Variants in SEMA3D observed in about 807,000 individuals in gnomAD.
SEMA3D encodes the protein semaphorin-3D.
In SEMA3D, 84 loss-of-function variants were observed where a neutral mutation model predicts 100.1. The ratio of observed to expected loss-of-function variants is 0.84; its 90% CI spans 0.70 to 1.01. The LOEUF (loss-of-function observed/expected upper bound fraction) is 1.01, where lower values mean the gene tolerates loss of function less well. SEMA3D is among the 50% of genes least tolerant of loss of function. SEMA3D has a pLI of 0.00. For synonymous variants in SEMA3D, 312 were observed against 320.7 expected (o/e 0.97, Z 0.29); for missense variants, 875 against 934.1 (o/e 0.94, Z 0.82).
intron 5 of SEMA3D, among the ~76,000 whole-genome samples, chr7:85,078,948 CT>C (rs1368829744): frequency 6.6e-6 from 1 of 152,104 alleles, no homozygotes; most frequent in Non-Finnish European, 1.5e-5. Flanking sequence ...CTATGTAATG[CT>C]GTTAAAAATG....
At chr7:85,003,435 T>C (rs548348931) in intron 18 of SEMA3D, among the ~76,000 whole-genome samples, 1 of 151,988 alleles carries the variant, frequency 6.6e-6, no homozygotes, top group East Asian at 1.9e-4. Context: ...TGTAAAAAAA[T>C]CATAAAATAA....
At chr7:85,116,922 G>A (rs1265739343) in intron 3 of SEMA3D, among the ~76,000 whole-genome samples, 1 of 152,040 alleles carries the variant, frequency 6.6e-6, no homozygotes, top group Admixed American at 6.6e-5. Context: ...GTTAGTTGTG[G>A]CTGTTTGTGT....
In SEMA3D at chr7:85,151,772, A is replaced by G. The variant is rs542313775; in HGVS notation, c.-41+1836T>C. On this transcript the variant is annotated intron_variant, in intron 2 of 18. Coordinates refer to ENST00000284136, the MANE Select transcript of SEMA3D (RefSeq NM_001384900.1). ...CACATTGACCTGAAGTAGAACTTAA[A>G]CTATTATATTAGAAGAAAATTTTAA... 1.6e-5 allele frequency: 13 copies of G among 828,408 alleles called. No individual in the cohort carries two copies. In the African/African-American group the frequency reaches 1.7e-4, roughly 11 times the overall value. 51.3% of individuals were successfully genotyped at this position (828,408 alleles called of 1,614,324 possible). A position where few individuals can be genotyped will look rare whatever the true frequency, so the allele number is the denominator to read the frequency against.
chr7:85,207,878 T>A, the SEMA3D span, among the ~76,000 whole-genome samples: 18 of 152,160 alleles, frequency 1.2e-4, no homozygotes, highest in Middle Eastern at 3.4e-3. Flanking sequence ...TGGTCATTTA[T>A]TATAGGAAAA....
At chr7:85,028,846 C>G (rs1790464960) in intron 12 of SEMA3D, 1 of 238,546 alleles carries the variant, frequency 4.2e-6, no homozygotes, top group African/African-American at 2.3e-5. Context: ...GTTGGTGGTC[C>G]TAATTGTATC....
intron 2 of SEMA3D, among the ~76,000 whole-genome samples, chr7:85,147,087 CTTTTCTTTTTTT>C (rs2116478141): frequency 3.6e-5 from 2 of 55,744 alleles, no homozygotes; most frequent in East Asian, 9.7e-4. Flanking sequence ...TTTTCTTTTT[CTTTTCTTTTTTT>C]TTTTTTTTTT....
intron 8 of SEMA3D, among the ~76,000 whole-genome samples, chr7:85,059,866 A>T (rs1439267508): frequency 6.6e-6 from 1 of 152,262 alleles, no homozygotes; most frequent in East Asian, 1.9e-4. Context: ...ATTCATTGTC[A>T]TAATGCAGAA....
chr7:85,165,192 G>A (rs1221434470), intron 1 of SEMA3D, among the ~76,000 whole-genome samples: 1 of 146,734 alleles, frequency 6.8e-6, no homozygotes, highest in Non-Finnish European at 1.5e-5. Context: ...TTGTGCACAT[G>A]TACCCTAAAA....
the SEMA3D span, among the ~76,000 whole-genome samples, chr7:85,203,426 T>C: frequency 6.6e-6 from 1 of 152,098 alleles, no homozygotes; most frequent in East Asian, 1.9e-4. Flanking sequence ...TTTATTGGAG[T>C]TCAGAAGAAA....
At chr7:85,046,803 G>A (rs745990700) in intron 9 of SEMA3D, among the ~76,000 whole-genome samples, 23 of 152,004 alleles carry the variant, frequency 1.5e-4, no homozygotes, top group Non-Finnish European at 3.2e-4. Context: ...CTGAAAGGGA[G>A]GTAACCACTT....
At chr7:85,183,933 G>C (rs535464742) in intron 1 of SEMA3D, among the ~76,000 whole-genome samples, 1 of 152,092 alleles carries the variant, frequency 6.6e-6, no homozygotes, top group South Asian at 2.1e-4. Flanking sequence ...ACTAATCTCA[G>C]GAAATGTTCT....
chr7:85,146,504 A>T (rs1790208251), intron 2 of SEMA3D, among the ~76,000 whole-genome samples: 1 of 151,984 alleles, frequency 6.6e-6, no homozygotes, highest in Non-Finnish European at 1.5e-5. Context: ...CATTGAGCCA[A>T]GATTGGGCCA....
At chr7:85,231,287 A>G in the SEMA3D span, among the ~76,000 whole-genome samples, 1 of 152,138 alleles carries the variant, frequency 6.6e-6, no homozygotes, top group Non-Finnish European at 1.5e-5. Flanking sequence ...AACATCCACA[A>G]TGACAAATTA....
intron 6 of SEMA3D, among the ~76,000 whole-genome samples, chr7:85,070,578 A>T (rs1042671244): frequency 1.3e-5 from 2 of 152,170 alleles, no homozygotes; most frequent in South Asian, 2.1e-4. Context: ...ATGATTCATT[A>T]AAAAAGTTAA....
chr7:85,241,980 T>TAA, the SEMA3D span, among the ~76,000 whole-genome samples: 1 of 151,950 alleles, frequency 6.6e-6, no homozygotes, highest in Non-Finnish European at 1.5e-5. Context: ...TGTAAATTCA[T>TAA]ACAACCACTA....
At chr7:85,040,928 T>C (rs933385390) in intron 10 of SEMA3D, 186 bp from the exon 11 acceptor site, 3 of 369,928 alleles carry the variant, frequency 8.1e-6, no homozygotes, top group South Asian at 1.4e-4. Flanking sequence ...TATGGTACAA[T>C]TGATAATCTC....
the SEMA3D span, among the ~76,000 whole-genome samples, chr7:85,195,351 A>G: frequency 3.2e-4 from 49 of 152,338 alleles, no homozygotes; most frequent in Non-Finnish European, 5.3e-4. Flanking sequence ...CCAAAGGTAC[A>G]GGATATTCTA....
At chr7:85,205,717 T>C in the SEMA3D span, among the ~76,000 whole-genome samples, 1 of 152,038 alleles carries the variant, frequency 6.6e-6, no homozygotes, top group East Asian at 1.9e-4. Context: ...AGCCCTGGAG[T>C]GTGATGTCTT....
Position 84,999,322 on chromosome 7 carries a change from G to T in SEMA3D, c.*118C>A. The T allele has an allele frequency of 2.6e-6, 2 of 782,214 alleles. No homozygotes were observed. Among genetic ancestry groups the T allele is most frequent in the South Asian group, 1.8e-5 (1 of 54,182 alleles). 48.5% of individuals were successfully genotyped at this position (782,214 alleles called of 1,614,324 possible). A position where few individuals can be genotyped will look rare whatever the true frequency, so the allele number is the denominator to read the frequency against. ...CACATATTGTCTTATTCAGATTATT[G>T]TCTTGTGCCTTAGCAAAACTCCATG... is the stretch of plus-strand genomic sequence containing the variant. On this transcript the variant is annotated 3_prime_UTR_variant, in exon 19 of 19. Coordinates refer to ENST00000284136, the MANE Select transcript of SEMA3D (RefSeq NM_001384900.1).
Sources: gnomAD v4.1 joint callset for allele counts (sites outside exome capture counted in the v4.1 genomes callset) on GRCh38, gnomAD v4.1.1 for gene constraint, MANE v1.5 for transcripts, NCBI Gene and HGNC (gene_info 2026-07-23, HGNC 2026-07-21) for gene names.